Variants in EPB41L5 observed in about 807,000 individuals in gnomAD.
The protein encoded by EPB41L5 is erythrocyte membrane protein band 4.1 like 5, also known as band 4.1-like protein 5.
Under a neutral mutation model 106.6 loss-of-function variants are expected in EPB41L5, and 55 were observed. The ratio of observed to expected loss-of-function variants is 0.52; its 90% CI spans 0.42 to 0.65. The LOEUF is 0.65. Ranked by LOEUF, EPB41L5 falls within the 30% of genes least tolerant of loss-of-function variation. The pLI, the probability that EPB41L5 is intolerant of heterozygous loss-of-function variation, is 0.00. For synonymous variants in EPB41L5, 297 were observed against 306.7 expected (o/e 0.97, Z 0.33); for missense variants, 871 against 882.1 (o/e 0.99, Z 0.16).
intron 18 of EPB41L5, among the ~76,000 whole-genome samples, chr2:120,136,617 A>C (rs1685934770): frequency 6.6e-6 from 1 of 152,042 alleles, no homozygotes; most frequent in Non-Finnish European, 1.5e-5. Flanking sequence ...ATATTAGATA[A>C]AACTGATTTT....
intron 4 of EPB41L5, 96 bp from the exon 5 acceptor site, chr2:120,074,004 T>A (rs1442531799): frequency 2.0e-5 from 18 of 878,506 alleles, no homozygotes; most frequent in Admixed American, 8.1e-5. Context: ...CCTCATCTTT[T>A]GTCTCACTTC....
At chr2:120,142,914 C>T in intron 18 of EPB41L5, 89 bp from the exon 19 acceptor site, 1 of 1,160,430 alleles carries the variant, frequency 8.6e-7, no homozygotes, top group Non-Finnish European at 1.2e-6. Context: ...TCCTGATTGT[C>T]TGCAGATGAA....
At chr2:120,120,895 C>T (rs766156850) in intron 16 of EPB41L5, among the ~76,000 whole-genome samples, 4 of 152,212 alleles carry the variant, frequency 2.6e-5, no homozygotes, top group Non-Finnish European at 5.9e-5. Context: ...GCGGGCAGCT[C>T]ACCTGAAGTC....
At chr2:120,095,486 C>T (rs1015254675) in intron 14 of EPB41L5, among the ~76,000 whole-genome samples, 9 of 150,608 alleles carry the variant, frequency 6.0e-5, no homozygotes, top group East Asian at 1.9e-4. Context: ...TGAGTCTGTT[C>T]GCTTCTCTTT....
At chr2:120,033,100 A>G (rs1218947345) in intron 2 of EPB41L5, among the ~76,000 whole-genome samples, 1 of 152,208 alleles carries the variant, frequency 6.6e-6, no homozygotes, top group African/African-American at 2.4e-5. Context: ...TAGCAGGTTG[A>G]TAATTATTTC....
intron 16 of EPB41L5, among the ~76,000 whole-genome samples, chr2:120,110,689 C>T (rs566273990): frequency 1.0e-3 from 152 of 147,952 alleles, no homozygotes; most frequent in African/African-American, 3.5e-3. Context: ...GGCTGGAGTG[C>T]AATGATGCAA....
chr2:120,082,684 C>G (rs1682760324), intron 10 of EPB41L5, among the ~76,000 whole-genome samples: 1 of 152,158 alleles, frequency 6.6e-6, no homozygotes, highest in Non-Finnish European at 1.5e-5. Context: ...GGAATGGTAC[C>G]AGCTCCTCCT....
At chr2:120,152,426 G>A (rs942858603) in intron 20 of EPB41L5, among the ~76,000 whole-genome samples, 2 of 151,826 alleles carry the variant, frequency 1.3e-5, no homozygotes, top group African/African-American at 4.8e-5. Context: ...TTTTTTTTAG[G>A]ACTTTTGTAT....
At chr2:120,047,386 A>T (rs1396493464) in intron 3 of EPB41L5, among the ~76,000 whole-genome samples, 2 of 151,940 alleles carry the variant, frequency 1.3e-5, no homozygotes, top group Admixed American at 6.6e-5. Context: ...CATCCCTTGT[A>T]AGTTGGATTC....
chr2:120,100,591 A>G (rs1044027828), intron 15 of EPB41L5, 108 bp from the exon 16 acceptor site: 2 of 798,376 alleles, frequency 2.5e-6, no homozygotes, highest in African/African-American at 1.7e-5. Flanking sequence ...AAGCATTTGT[A>G]TACATTTTAA....
chr2:120,118,762 T>A (rs1685072474), intron 16 of EPB41L5, among the ~76,000 whole-genome samples: 4 of 152,234 alleles, frequency 2.6e-5, no homozygotes, highest in African/African-American at 9.6e-5. Flanking sequence ...GCATTTAGAT[T>A]GATTCCATGT....
At chr2:120,078,931 T>C (rs1345678942) in intron 10 of EPB41L5, among the ~76,000 whole-genome samples, 1 of 152,176 alleles carries the variant, frequency 6.6e-6, no homozygotes, top group Non-Finnish European at 1.5e-5. Context: ...TTACCCCCTA[T>C]TGTGTAAGAG....
chr2:120,173,155 A>G (rs1483450957), intron 24 of EPB41L5, among the ~76,000 whole-genome samples: 1 of 152,260 alleles, frequency 6.6e-6, no homozygotes, highest in African/African-American at 2.4e-5. Flanking sequence ...TACATAAAAC[A>G]TGAAATATAC....
chr2:120,164,406 C>T (rs1687298143), intron 21 of EPB41L5, among the ~76,000 whole-genome samples: 1 of 151,924 alleles, frequency 6.6e-6, no homozygotes, highest in Non-Finnish European at 1.5e-5. Context: ...AAGATGAGGT[C>T]TCACTATATT....
At chr2:120,104,654 A>G in intron 16 of EPB41L5, 1 of 986,522 alleles carries the variant, frequency 1.0e-6, no homozygotes, top group Non-Finnish European at 1.2e-6. Flanking sequence ...ATGTCTAGGC[A>G]TAATATATCA....
chr2:120,138,252 G>C (rs894508385), intron 18 of EPB41L5, among the ~76,000 whole-genome samples: 2 of 151,892 alleles, frequency 1.3e-5, no homozygotes, highest in Non-Finnish European at 2.9e-5. Context: ...CCCACAGCTA[G>C]TATCATGCCT....
intron 20 of EPB41L5, among the ~76,000 whole-genome samples, chr2:120,150,059 A>C (rs1686599564): frequency 6.6e-6 from 1 of 151,900 alleles, no homozygotes; most frequent in Admixed American, 6.6e-5. Context: ...TGCTCGGCTA[A>C]GTTTTTTTTC....
At chr2:120,026,357 TTTTGTTTG>T (rs146589355) in intron 2 of EPB41L5, among the ~76,000 whole-genome samples, 61 of 151,422 alleles carry the variant, frequency 4.0e-4, no homozygotes, top group African/African-American at 1.2e-3. Context: ...CTTTCTGTTT[TTTTGTTTG>T]TTTGTTTGTT....
intron 16 of EPB41L5, chr2:120,103,946 T>C: frequency 1.6e-6 from 2 of 1,233,986 alleles, no homozygotes; most frequent in South Asian, 4.1e-5. Context: ...TAACTACTCA[T>C]AGCAGCAGTG....
Sources: allele counts gnomAD v4.1 joint callset (sites outside exome capture counted in the v4.1 genomes callset), GRCh38; gene constraint gnomAD v4.1.1; transcripts MANE v1.5; gene names NCBI Gene and HGNC (gene_info 2026-07-23, HGNC 2026-07-21).